Variants in ROBO2 observed in about 807,000 individuals in gnomAD.
ROBO2 encodes roundabout guidance receptor 2, also known as roundabout homolog 2.
In ROBO2, 53 loss-of-function variants were observed where a neutral mutation model predicts 160.8. The observed-to-expected ratio is 0.33, with a 90% CI of 0.26 to 0.41. ROBO2 has a LOEUF of 0.41. Ranked by LOEUF, ROBO2 falls within the 10% of genes least tolerant of loss-of-function variation. ROBO2 has a pLI of 1.00. For missense variants in ROBO2, 1,577 were observed against 1,722.4 expected, an observed-to-expected ratio of 0.92 and a Z score of 1.49; for synonymous variants, 664 against 611.7, an observed-to-expected ratio of 1.09 and a Z score of -1.26.
rs186593638 is a variant in ROBO2, at chr3:77,492,880, C to T, written c.668-364C>T. Among the ~76,000 whole-genome samples, 1,384 of 152,152 alleles carry T rather than the reference C, an allele frequency of 9.1e-3. 28 individuals carry two copies. Among genetic ancestry groups the T allele is most frequent in the African/African-American group, 0.032 (1,336 of 41,512 alleles). On this transcript the variant is annotated intron_variant, in intron 4 of 25. Coordinates refer to ENST00000461745, the Ensembl canonical transcript of ROBO2. ...CAACTTTTAGTTTTCCCACTTTGAA[C>T]CCTGATAATAGATTATTGTAATCAT...
intron 2 of ROBO2, among the ~76,000 whole-genome samples, chr3:76,138,919 G>A (rs1040102853): frequency 5.9e-5 from 9 of 152,080 alleles, no homozygotes; most frequent in African/African-American, 2.2e-4. Context: ...TCCTTTATCT[G>A]ATCAATGGTA....
intron 2 of ROBO2, among the ~76,000 whole-genome samples, chr3:77,404,952 A>G (rs1166408743): frequency 1.3e-5 from 2 of 152,102 alleles, no homozygotes; most frequent in African/African-American, 2.4e-5. Context: ...ACTCTCCCCA[A>G]CTGATGTTGT....
intron 2 of ROBO2, among the ~76,000 whole-genome samples, chr3:77,355,102 T>C (rs7426615): frequency 0.14 from 13,522 of 94,918 alleles, 330 homozygotes; most frequent in Non-Finnish European, 0.16. Context: ...TCACATACCT[T>C]TATGATCAAC....
chr3:76,818,789 G>A (rs995547417), intron 2 of ROBO2, among the ~76,000 whole-genome samples: 1 of 151,980 alleles, frequency 6.6e-6, no homozygotes, highest in East Asian at 1.9e-4. Flanking sequence ...TTATTTCTGG[G>A]TTCTCTACTC....
intron 2 of ROBO2, among the ~76,000 whole-genome samples, chr3:76,785,249 C>T (rs1360056250): frequency 6.6e-6 from 1 of 151,086 alleles, no homozygotes; most frequent in African/African-American, 2.4e-5. Flanking sequence ...TAAAGAAAGA[C>T]AATTTTGAGT....
chr3:76,845,115 A>C (rs2068654024), intron 2 of ROBO2, among the ~76,000 whole-genome samples: 1 of 151,986 alleles, frequency 6.6e-6, no homozygotes, highest in African/African-American at 2.4e-5. Flanking sequence ...CCTTGGCTAA[A>C]ACAAAAGTTA....
At chr3:77,055,278 T>C (rs935923008) in intron 1 of ROBO2, among the ~76,000 whole-genome samples, 6 of 152,160 alleles carry the variant, frequency 3.9e-5, no homozygotes, top group African/African-American at 1.2e-4. Flanking sequence ...ATGGTCTTGA[T>C]ATTAGGGGTG....
chr3:77,527,394 T>C lies in ROBO2; in HGVS notation c.934+4492T>C, dbSNP rs755080760. ...TTATGTTCTCACCACACCATTGTAA[T>C]GTCTACAGCTCGCCCTGTTGGTAAG... On this transcript the variant is annotated intron_variant, in intron 6 of 25. Transcript: ENST00000461745. 18 of 1,288,158 alleles carry C rather than the reference T, an allele frequency of 1.4e-5. No individual in the cohort carries two copies. The South Asian group carries it at 2.1e-4, about 15-fold the overall frequency. The allele number at this position is 1,288,158 out of a possible 1,614,324, so 79.8% of individuals were successfully genotyped here.
intron 2 of ROBO2, among the ~76,000 whole-genome samples, chr3:76,545,412 G>A (rs936568355): frequency 1.3e-5 from 2 of 151,896 alleles, no homozygotes; most frequent in African/African-American, 4.8e-5. Flanking sequence ...CCATGTTTCT[G>A]TCAAAGTGAT....
In ROBO2 at chr3:76,956,536, G is replaced by T. The variant is rs567363254; in HGVS notation, c.110-141478G>T. ...CGCGCCACTGCACTCCAGCCTGGGC[G>T]ACAGAGCGAGACTCTGTCTCAAAAA... is the stretch of plus-strand genomic sequence containing the variant. On this transcript the variant is annotated intron_variant, in intron 2 of 26. Transcript: ENST00000487694. 7.0e-3 allele frequency among the ~76,000 whole-genome samples: 999 copies of T among 142,794 alleles called. 8 individuals carry two copies. The highest frequency in any genetic ancestry group is 0.036 in the Middle Eastern group (10 of 274). 93.7% of individuals were successfully genotyped at this position (142,794 alleles called of 152,430 possible).
intron 2 of ROBO2, among the ~76,000 whole-genome samples, chr3:76,103,479 T>C (rs1453366657): frequency 1.3e-5 from 2 of 152,312 alleles, no homozygotes; most frequent in East Asian, 3.9e-4. Context: ...TACACAGCTC[T>C]TAAATGTGAA....
intron 21 of ROBO2, among the ~76,000 whole-genome samples, chr3:77,610,036 T>C (rs2094597183): frequency 6.6e-6 from 1 of 151,084 alleles, no homozygotes; most frequent in Non-Finnish European, 1.5e-5. Context: ...TAAAAACATA[T>C]TTAAAGTTAA....
chr3:77,395,248 C>G (rs1221631452), intron 2 of ROBO2, among the ~76,000 whole-genome samples: 1 of 152,052 alleles, frequency 6.6e-6, no homozygotes, highest in Admixed American at 6.6e-5. Context: ...CTGCTTCATC[C>G]CTTTAAAAAC....
chr3:76,425,726 A>G (rs2076196537), intron 2 of ROBO2, among the ~76,000 whole-genome samples: 1 of 152,048 alleles, frequency 6.6e-6, no homozygotes, highest in African/African-American at 2.4e-5. Flanking sequence ...TTTTGTACCC[A>G]AAGCCAAAGC....
At chr3:76,256,601 C>G (rs1706404784) in intron 2 of ROBO2, among the ~76,000 whole-genome samples, 1 of 151,824 alleles carries the variant, frequency 6.6e-6, no homozygotes, top group Non-Finnish European at 1.5e-5. Context: ...GTTCTAGCTA[C>G]TAGGGAGGCT....
intron 2 of ROBO2, among the ~76,000 whole-genome samples, chr3:76,287,434 T>C (rs765836469): frequency 3.9e-5 from 6 of 152,040 alleles, no homozygotes; most frequent in Non-Finnish European, 4.4e-5. Context: ...TAGCTGGAAT[T>C]ACAGGCACCC....
chr3:77,371,757 C>CTAA (rs1363821019), intron 2 of ROBO2, among the ~76,000 whole-genome samples: 3 of 152,094 alleles, frequency 2.0e-5, no homozygotes, highest in Non-Finnish European at 4.4e-5. Context: ...GTTATCAAAC[C>CTAA]TAATATATGC....
At chr3:76,298,651 C>G (rs567195564) in intron 2 of ROBO2, among the ~76,000 whole-genome samples, 1 of 152,180 alleles carries the variant, frequency 6.6e-6, no homozygotes. Context: ...TTGTTTAACC[C>G]TCAAAACAAC....
At chr3:76,963,433 A>G (rs2079816977) in intron 2 of ROBO2, among the ~76,000 whole-genome samples, 1 of 152,152 alleles carries the variant, frequency 6.6e-6, no homozygotes, top group Non-Finnish European at 1.5e-5. Context: ...CCATGAGGGG[A>G]ACTTAGCACT....
Sources: gnomAD v4.1 joint callset for allele counts (sites outside exome capture counted in the v4.1 genomes callset) on GRCh38, gnomAD v4.1.1 for gene constraint, MANE v1.5 for transcripts, NCBI Gene and HGNC (gene_info 2026-07-23, HGNC 2026-07-21) for gene names.